Variants in FOXP1 observed in about 807,000 individuals in gnomAD.
FOXP1 encodes forkhead box protein P1.
In FOXP1, 15 loss-of-function variants were observed where a neutral mutation model predicts 98.2. The observed-to-expected ratio is 0.15, with a 90% CI of 0.10 to 0.24. The LOEUF (loss-of-function observed/expected upper bound fraction) is 0.24. Among genes scored for constraint, FOXP1 ranks in the 10% least tolerant of loss-of-function variants. FOXP1 has a pLI of 1.00. For missense variants in FOXP1, 633 were observed against 848.5 expected, an observed-to-expected ratio of 0.75 and a Z score of 3.15; for synonymous variants, 371 against 314.5, an observed-to-expected ratio of 1.18 and a Z score of -1.90.
Position 71,016,775 on chromosome 3 carries a change from A to G in FOXP1, c.870-1122T>C, listed in dbSNP as rs1261594294. Among the ~76,000 whole-genome samples the G allele has an allele frequency of 2.0e-5, 3 of 152,136 alleles. No individual in the cohort carries two copies. In the East Asian group the frequency reaches 5.8e-4, roughly 29 times the overall value. On this transcript the variant is annotated intron_variant, in intron 11 of 20. Transcript: ENST00000649528. ...GTATTTTATCAATTTACATTCATAGAGCATATGTACACAAATGCCATTTGT... is the reference window on the plus strand; with the variant it reads ...GTATTTTATCAATTTACATTCATAGGGCATATGTACACAAATGCCATTTGT...
Position 71,581,658 on chromosome 3 carries a change from G to A in FOXP1, c.-407C>T, listed in dbSNP as rs752500453. 127 of 985,788 alleles carry A rather than the reference G, an allele frequency of 1.3e-4. No individual in the cohort carries two copies. The highest frequency in any genetic ancestry group is 1.4e-4 in the Non-Finnish European group (119 of 830,108). 61.1% of individuals were successfully genotyped at this position (985,788 alleles called of 1,614,324 possible). A position where few individuals can be genotyped will look rare whatever the true frequency, so the allele number is the denominator to read the frequency against. On this transcript the variant is annotated 5_prime_UTR_variant, in exon 2 of 21. Coordinates refer to ENST00000649528, the MANE Select transcript of FOXP1 (RefSeq NM_001349338.3). ...GCCGCTGCCCCCGGCCCGCTCGCTCGCTCGCCGCGCGCTCTCTTCCTCTTA... is the reference window on the plus strand; with the variant it reads ...GCCGCTGCCCCCGGCCCGCTCGCTCACTCGCCGCGCGCTCTCTTCCTCTTA...
chr3:71,494,138 T>C (rs2091252484), intron 2 of FOXP1, among the ~76,000 whole-genome samples: 1 of 152,136 alleles, frequency 6.6e-6, no homozygotes, highest in Non-Finnish European at 1.5e-5. Flanking sequence ...TACGGTGCGA[T>C]GGTCAGGGCT....
intron 3 of FOXP1, among the ~76,000 whole-genome samples, chr3:71,361,985 G>A (rs1014596279): frequency 6.6e-6 from 1 of 152,168 alleles, no homozygotes; most frequent in African/African-American, 2.4e-5. Flanking sequence ...AGGACAAAGT[G>A]ACAGGTAGTG....
At chr3:71,536,987 G>A (rs542676680) in intron 2 of FOXP1, among the ~76,000 whole-genome samples, 3 of 152,196 alleles carry the variant, frequency 2.0e-5, no homozygotes, top group Non-Finnish European at 4.4e-5. Context: ...GAGCCATGGA[G>A]GGAAGGTCTG....
chr3:71,457,929 C>T (rs991024170), intron 3 of FOXP1, among the ~76,000 whole-genome samples: 11 of 152,204 alleles, frequency 7.2e-5, no homozygotes, highest in African/African-American at 2.7e-4. Context: ...GTGCTCCAGG[C>T]TTCCTTGCAG....
intron 11 of FOXP1, among the ~76,000 whole-genome samples, chr3:71,035,508 A>G (rs2047457886): frequency 6.6e-6 from 1 of 152,210 alleles, no homozygotes; most frequent in Non-Finnish European, 1.5e-5. Context: ...CTGTGTCCCA[A>G]TAAAACTTTA....
chr3:71,422,656 C>T (rs1449565441), intron 3 of FOXP1, among the ~76,000 whole-genome samples: 1 of 152,176 alleles, frequency 6.6e-6, no homozygotes, highest in Non-Finnish European at 1.5e-5. Flanking sequence ...GAATAATCGC[C>T]CAAGCTGCAA....
Position 71,273,144 on chromosome 3 carries a change from G to A in FOXP1, c.-12+26676C>T, listed in dbSNP as rs550688346. 8.5e-5 allele frequency among the ~76,000 whole-genome samples: 13 copies of A among 152,250 alleles called. No homozygotes were observed. In the East Asian group the frequency reaches 1.2e-3, roughly 14 times the overall value. ...TCCTTCTTCCTTCTGGTCCTTGTGC[G>A]TCCCATGGGGTCCACTTAAGAGTGA... On this transcript the variant is annotated intron_variant, in intron 5 of 20. Transcript: ENST00000649528.
chr3:71,558,986 A>G (rs775256880), intron 2 of FOXP1, among the ~76,000 whole-genome samples: 3 of 151,544 alleles, frequency 2.0e-5, no homozygotes, highest in Non-Finnish European at 2.9e-5. Context: ...TTGTATTTTT[A>G]GTAGAGACGG....
At chr3:70,960,774 A>T (rs2106893122) in intron 20 of FOXP1, among the ~76,000 whole-genome samples, 1 of 152,206 alleles carries the variant, frequency 6.6e-6, no homozygotes, top group South Asian at 2.1e-4. Flanking sequence ...TTCAGAATCA[A>T]TTGACTCTAA....
At chr3:71,032,624 C>T (rs568190420) in intron 11 of FOXP1, among the ~76,000 whole-genome samples, 1 of 151,972 alleles carries the variant, frequency 6.6e-6, no homozygotes, top group Admixed American at 6.6e-5. Context: ...GTGAGCCAGT[C>T]GGCAGAGAGG....
chr3:71,208,881 T>G (rs1037333612), intron 5 of FOXP1, among the ~76,000 whole-genome samples: 12 of 152,160 alleles, frequency 7.9e-5, no homozygotes, highest in Non-Finnish European at 1.5e-4. Context: ...CAAACAGTCA[T>G]TCTGACATTT....
chr3:71,520,040 G>C (rs1289795776), intron 2 of FOXP1, among the ~76,000 whole-genome samples: 1 of 152,210 alleles, frequency 6.6e-6, no homozygotes, highest in Non-Finnish European at 1.5e-5. Context: ...ATGAAAAAGA[G>C]ACAGGCAGAC....
chr3:71,534,209 C>T (rs546042127), intron 2 of FOXP1, among the ~76,000 whole-genome samples: 62 of 152,240 alleles, frequency 4.1e-4, no homozygotes, highest in Middle Eastern at 3.4e-3. Context: ...ACTAAAAATA[C>T]AAAATTAGCC....
intron 6 of FOXP1, among the ~76,000 whole-genome samples, chr3:71,144,723 G>A (rs1218551376): frequency 6.6e-6 from 1 of 152,090 alleles, no homozygotes; most frequent in Non-Finnish European, 1.5e-5. Context: ...TGGCAGGGGG[G>A]TACAGAGTAT....
chr3:71,488,907 C>T (rs2090860230), intron 3 of FOXP1, among the ~76,000 whole-genome samples: 1 of 152,290 alleles, frequency 6.6e-6, no homozygotes, highest in South Asian at 2.1e-4. Context: ...GCTTATAAAA[C>T]ATATTATGTA....
chr3:71,583,785 C>G (rs1489031535), upstream of FOXP1: 1 of 986,748 alleles, frequency 1.0e-6, no homozygotes, highest in Non-Finnish European at 1.2e-6. Flanking sequence ...GGACTAGCTT[C>G]CCGGAGCCCA....
At chr3:71,208,495 T>C (rs1480367222) in intron 5 of FOXP1, among the ~76,000 whole-genome samples, 1 of 151,254 alleles carries the variant, frequency 6.6e-6, no homozygotes, top group African/African-American at 2.4e-5. Context: ...CAGGGACAAG[T>C]TCCCCTTTTT....
Position 71,401,961 on chromosome 3 carries a change from C to G in FOXP1, c.-167-42717G>C, listed in dbSNP as rs76841756. Among the ~76,000 whole-genome samples the G allele has an allele frequency of 3.0e-3, 458 of 152,290 alleles. 1 individual carries two copies. The highest frequency in any genetic ancestry group is 0.011 in the African/African-American group (444 of 41,564). ...GAGTTATCCCTCACCCCTATCCCCA[C>G]CCCTATCCTACTCCTCACCAGGCTA... On this transcript the variant is annotated intron_variant, in intron 3 of 20. Transcript: ENST00000649528.
Sources: allele counts gnomAD v4.1 joint callset (sites outside exome capture counted in the v4.1 genomes callset), GRCh38; gene constraint gnomAD v4.1.1; transcripts MANE v1.5; gene names NCBI Gene and HGNC (gene_info 2026-07-23, HGNC 2026-07-21).